The following PKNOX1 variants were observed in gnomAD, a reference collection of about 807,000 sequenced individuals.
The protein encoded by PKNOX1 is PBX/knotted 1 homeobox 1, also known as homeobox protein PKNOX1.
PKNOX1 carries 15 observed loss-of-function variants against 51.9 expected under a neutral mutation model. That is an observed-to-expected ratio of 0.29 (90% CI 0.19 to 0.45). The LOEUF (loss-of-function observed/expected upper bound fraction) is 0.45. Among genes scored for constraint, PKNOX1 ranks in the 20% least tolerant of loss-of-function variants. The probability of loss-of-function intolerance (pLI) is 1.00; values close to 1 mark genes in which losing one functional copy is unlikely to be tolerated. For missense variants in PKNOX1, 462 were observed against 547.5 expected (o/e 0.84, Z 1.56); for synonymous variants, 219 against 211.1 (o/e 1.04, Z -0.32).
At chr21:42,984,120 CA>C (rs138325027) in intron 1 of PKNOX1, among the ~76,000 whole-genome samples, 2,156 of 151,838 alleles carry the variant, frequency 0.014, 57 homozygotes, top group African/African-American at 0.05. Flanking sequence ...TTTAAAGAGA[CA>C]GGGTCTCATG....
chr21:42,986,019 TA>T lies in PKNOX1; in HGVS notation c.-57+11365del, dbSNP rs915893947. Among the ~76,000 whole-genome samples, 149 of 131,418 alleles carry T rather than the reference TA, an allele frequency of 1.1e-3. 1 individual carries two copies. The highest frequency in any genetic ancestry group is 1.5e-3 in the Admixed American group (19 of 12,668). The allele number at this position is 131,418 out of a possible 152,430, so 86.2% of individuals were successfully genotyped here. On this transcript the variant is annotated intron_variant, in intron 1 of 10. Transcript: ENST00000291547. Reference sequence around the variant, plus strand: ...CTGTCTCAGAAAAAAAAAAAAAAATTAAAAAAAAAATTGCAAAACCATTAAA... The same window carrying T: ...CTGTCTCAGAAAAAAAAAAAAAAATTAAAAAAAAATTGCAAAACCATTAAA...
At position 42,989,563 on chromosome 21, in the gene PKNOX1, C is replaced by T. The variant is rs1423220353; in HGVS notation, c.-56-14763C>T. ...CCTCCCGAGTAGCTGGGATTACAGGCGCCTGCTACCACGCCTGGCTAATTT... is the reference window on the plus strand; with the variant it reads ...CCTCCCGAGTAGCTGGGATTACAGGTGCCTGCTACCACGCCTGGCTAATTT... On this transcript the variant is annotated intron_variant, in intron 1 of 10. Transcript: ENST00000291547. Among the ~76,000 whole-genome samples the T allele has an allele frequency of 2.6e-5, 4 of 152,124 alleles. No individual in the cohort carries two copies. The South Asian group carries it at 8.3e-4, about 32-fold the overall frequency.
rs980389558 is a variant in PKNOX1 at position 43,031,576 on chromosome 21, C to T, written c.*1475C>T. ...GTGGTGCTTTTTCTCAGAAAACAGG[C>T]CACGGTGTTTCATACAGAATGTCTT... On this transcript the variant is annotated 3_prime_UTR_variant, in exon 11 of 11. Coordinates refer to ENST00000291547, the MANE Select transcript of PKNOX1 (RefSeq NM_004571.5). 6.6e-6 allele frequency: 1 copy of T among 152,188 alleles called. No homozygotes were observed. Among genetic ancestry groups the T allele is most frequent in the African/African-American group, 2.4e-5 (1 of 41,430 alleles). 9.4% of individuals were successfully genotyped at this position (152,188 alleles called of 1,614,324 possible).
intron 1 of PKNOX1, among the ~76,000 whole-genome samples, chr21:43,000,142 C>T (rs1978687127): frequency 1.3e-5 from 2 of 152,180 alleles, no homozygotes; most frequent in South Asian, 4.2e-4. Context: ...AACTTTCCCA[C>T]ATTTTCCTGT....
chr21:42,982,462 G>T lies in PKNOX1; in HGVS notation c.-57+7798G>T, dbSNP rs763652440. On this transcript the variant is annotated intron_variant, in intron 1 of 10. Coordinates refer to ENST00000291547, the MANE Select transcript of PKNOX1 (RefSeq NM_004571.5). The stretch of plus-strand genomic sequence containing the variant: ...AAGGAGCATAAGGCCGGGTGCAGTG[G>T]TTCACGCCTGTAATCCCAGCACTTT... Among the ~76,000 whole-genome samples the T allele has an allele frequency of 2.0e-4, 31 of 152,168 alleles. 1 individual carries two copies. Among genetic ancestry groups the T allele is most frequent in the Admixed American group, 3.9e-4 (6 of 15,280 alleles).
At chr21:43,003,369 G>A (rs546264855) in intron 1 of PKNOX1, among the ~76,000 whole-genome samples, 3 of 152,152 alleles carry the variant, frequency 2.0e-5, no homozygotes, top group African/African-American at 4.8e-5. Flanking sequence ...GGCATTTTGC[G>A]GTTTTCTGTT....
At chr21:43,008,987 G>A (rs925778112) in intron 3 of PKNOX1, among the ~76,000 whole-genome samples, 1 of 152,146 alleles carries the variant, frequency 6.6e-6, no homozygotes, top group African/African-American at 2.4e-5. Context: ...ACACATTATG[G>A]CATCTCCATG....
intron 1 of PKNOX1, among the ~76,000 whole-genome samples, chr21:42,978,723 A>G (rs1218363143): frequency 6.6e-6 from 1 of 151,770 alleles, no homozygotes; most frequent in African/African-American, 2.4e-5. Context: ...ACCTCAAATA[A>G]TCCACCCACC....
chr21:42,983,178 G>T (rs2059035566), intron 1 of PKNOX1, among the ~76,000 whole-genome samples: 1 of 152,046 alleles, frequency 6.6e-6, no homozygotes, highest in Admixed American at 6.6e-5. Context: ...CATTTTCAGT[G>T]TGCAGTTCAG....
chr21:43,018,015 G>C, intron 6 of PKNOX1, 118 bp from the exon 7 acceptor site: 3 of 620,270 alleles, frequency 4.8e-6, no homozygotes, highest in Non-Finnish European at 8.2e-6. Context: ...TTAGAGACCA[G>C]CCTGGGCAAC....
At chr21:42,975,048 G>GGGGCGC (rs1555856332) in intron 1 of PKNOX1, among the ~76,000 whole-genome samples, 8 of 6,418 alleles carry the variant, frequency 1.2e-3, no homozygotes, top group Non-Finnish European at 1.5e-3. Context: ...GCCCCGGCGC[G>GGGGCGC]GGGCGGGGGC....
At chr21:43,014,057 C>T (rs1372544131) in intron 5 of PKNOX1, among the ~76,000 whole-genome samples, 4 of 144,896 alleles carry the variant, frequency 2.8e-5, no homozygotes, top group African/African-American at 7.7e-5. Context: ...AGTCTCGCTC[C>T]ATCACCCAGG....
Position 43,013,155 on chromosome 21 carries a change from A to G in PKNOX1, c.439A>G (p.Ile147Val). 7 of 1,614,002 alleles carry G rather than the reference A, an allele frequency of 4.3e-6. No individual in the cohort carries two copies. The highest frequency in any genetic ancestry group is 5.9e-6 in the Non-Finnish European group (7 of 1,179,902). The change falls in exon 5 of 11, where the codon ATT becomes GTT. Residue 147 changes from isoleucine to valine, a missense_variant. Physicochemically the swap from Ile to Val is conservative, Grantham distance 29 (BLOSUM62 3). Coordinates refer to ENST00000291547, the MANE Select transcript of PKNOX1 (RefSeq NM_004571.5). ...CTGCAAAGATTTCTGCAGTCGATAC[A>G]TTGCTTGTCTGAAAACAAAAATGAA... is the stretch of plus-strand genomic sequence containing the variant. ...ELCKDFCSRY[I>V]ACLKTKMNSE... is the part of the protein sequence containing the mutation.
chr21:43,017,928 G>C (rs887797121), intron 6 of PKNOX1: 59 of 515,710 alleles, frequency 1.1e-4, no homozygotes, highest in Non-Finnish European at 1.8e-4. Flanking sequence ...TCAAGAAGAG[G>C]GCTGGTCGCA....
Position 42,995,016 on chromosome 21 carries a change from G to C in PKNOX1, c.-56-9310G>C, listed in dbSNP as rs148272443. On this transcript the variant is annotated intron_variant, in intron 1 of 10. Transcript: ENST00000291547. ...GACTTACTGCAGCCTCCGCCTCCTG[G>C]GTTCAAGCGATTTTTCTGCTTCAGC... 4.1e-3 allele frequency among the ~76,000 whole-genome samples: 621 copies of C among 150,036 alleles called. 3 individuals are homozygous for C. The highest frequency in any genetic ancestry group is 0.014 in the African/African-American group (590 of 40,760).
intron 10 of PKNOX1, among the ~76,000 whole-genome samples, 165 bp from the exon 11 acceptor site, chr21:43,029,725 C>T (rs1473524740): frequency 6.6e-6 from 1 of 152,114 alleles, no homozygotes; most frequent in Admixed American, 6.5e-5. Flanking sequence ...GCTACCGCGC[C>T]CGGCCCAGAA....
At chr21:43,029,835 AGT>A in intron 10 of PKNOX1, 53 bp from the exon 11 acceptor site, 1 of 1,441,192 alleles carries the variant, frequency 6.9e-7, no homozygotes, top group Non-Finnish European at 9.7e-7. Context: ...TGAGTAATAA[AGT>A]GTTTTTCTGT....
chr21:43,008,526 C>G (rs1408311507), intron 3 of PKNOX1, among the ~76,000 whole-genome samples: 1 of 152,154 alleles, frequency 6.6e-6, no homozygotes, highest in East Asian at 1.9e-4. Context: ...ACCTGTAATC[C>G]CAGAACTTTG....
At position 43,001,568 on chromosome 21, in the gene PKNOX1, C is replaced by A. The variant is rs112618254; in HGVS notation, c.-56-2758C>A. 2.1e-3 allele frequency among the ~76,000 whole-genome samples: 313 copies of A among 152,314 alleles called. 2 individuals carry two copies. The highest frequency in any genetic ancestry group is 7.1e-3 in the African/African-American group (294 of 41,580). The stretch of plus-strand genomic sequence containing the variant: ...GTTCTTCATCCTGTGCTGTGTCCTC[C>A]TGTCTCCCTGAGCTCCAGACTGTCT... On this transcript the variant is annotated intron_variant, in intron 1 of 10. Transcript: ENST00000291547.
Sources: gnomAD v4.1 joint callset for allele counts (sites outside exome capture counted in the v4.1 genomes callset) on GRCh38, gnomAD v4.1.1 for gene constraint, MANE v1.5 for transcripts, NCBI Gene and HGNC (gene_info 2026-07-23, HGNC 2026-07-21) for gene names.